Variants in SPTBN1 observed in about 807,000 individuals in gnomAD.
The protein encoded by SPTBN1 is spectrin beta chain, non-erythrocytic 1.
Under a neutral mutation model 266.4 loss-of-function variants are expected in SPTBN1, and 32 were observed. That is an observed-to-expected ratio of 0.12 (90% CI 0.09 to 0.16). SPTBN1 has a LOEUF of 0.16. Among genes scored for constraint, SPTBN1 ranks in the 10% least tolerant of loss-of-function variants. SPTBN1 has a pLI of 1.00. For missense variants in SPTBN1, 2,296 were observed against 3,067.1 expected (o/e 0.75, Z 5.94); for synonymous variants, 1,336 against 1,162.2 (o/e 1.15, Z -3.04).
intron 2 of SPTBN1, among the ~76,000 whole-genome samples, chr2:54,576,655 A>G (rs978353885): frequency 3.3e-5 from 5 of 152,134 alleles, no homozygotes; most frequent in Admixed American, 3.3e-4. Context: ...AGGCAGGATG[A>G]CTTTTTAGAA....
At chr2:54,468,644 A>G (rs1693764255) in intron 1 of SPTBN1, among the ~76,000 whole-genome samples, 1 of 152,238 alleles carries the variant, frequency 6.6e-6, no homozygotes, top group South Asian at 2.1e-4. Context: ...TTAAAGAAAA[A>G]TGGAAAGGAA....
chr2:54,552,690 C>T (rs571143513), intron 2 of SPTBN1, among the ~76,000 whole-genome samples: 54 of 151,986 alleles, frequency 3.6e-4, no homozygotes, highest in African/African-American at 1.3e-3. Flanking sequence ...CTCCTGACCT[C>T]GTGATCCACC....
intron 1 of SPTBN1, among the ~76,000 whole-genome samples, chr2:54,469,236 G>C (rs1177142022): frequency 6.6e-6 from 1 of 152,170 alleles, no homozygotes; most frequent in Non-Finnish European, 1.5e-5. Context: ...TGAAGGAAAA[G>C]AGGGAGTGGG....
chr2:54,668,687 T>A lies in SPTBN1; in HGVS notation c.*118T>A, dbSNP rs866947422. ...TGTTCCTCAATGTGGTTGATTTTTT[T>A]TTTTTTTTAATTTATAGAGCATTTC... is the stretch of plus-strand genomic sequence containing the variant. On this transcript the variant is annotated 3_prime_UTR_variant, in exon 36 of 36. Coordinates refer to ENST00000356805, the MANE Select transcript of SPTBN1 (RefSeq NM_003128.3). The A allele has an allele frequency of 2.1e-5, 20 of 975,238 alleles. No individual in the cohort carries two copies. In the Middle Eastern group the frequency reaches 2.1e-3, roughly 103 times the overall value. The allele number at this position is 975,238 out of a possible 1,614,324, so 60.4% of individuals were successfully genotyped here. A position where few individuals can be genotyped will look rare whatever the true frequency, so the allele number is the denominator to read the frequency against.
chr2:54,500,927 G>A (rs778520189), intron 1 of SPTBN1, among the ~76,000 whole-genome samples: 5 of 152,186 alleles, frequency 3.3e-5, no homozygotes, highest in Non-Finnish European at 2.9e-5. Flanking sequence ...GTGATGTGCA[G>A]CCAAGAACAG....
chr2:54,551,400 G>A (rs1672556335), intron 2 of SPTBN1, among the ~76,000 whole-genome samples: 1 of 152,268 alleles, frequency 6.6e-6, no homozygotes, highest in Admixed American at 6.5e-5. Context: ...CCACCTGTTT[G>A]GCAAAGCCAG....
intron 2 of SPTBN1, among the ~76,000 whole-genome samples, chr2:54,563,685 C>T: frequency 6.9e-6 from 1 of 144,456 alleles, no homozygotes; most frequent in South Asian, 2.2e-4. Flanking sequence ...CTCACTGCAA[C>T]CTCTGCCTTC....
At chr2:54,572,037 A>T (rs10181201) in intron 2 of SPTBN1, among the ~76,000 whole-genome samples, 6 of 151,822 alleles carry the variant, frequency 4.0e-5, no homozygotes, top group African/African-American at 1.5e-4. Context: ...CTTAAAGCTC[A>T]AATTTAGGGA....
rs151016094 is a variant in SPTBN1 at position 54,628,619 on chromosome 2, G to C, written c.1799-314G>C. On this transcript the variant is annotated intron_variant, in intron 13 of 35. Coordinates refer to ENST00000356805, the MANE Select transcript of SPTBN1 (RefSeq NM_003128.3). The surrounding 1 kb of genome is among the most constrained non-coding windows in gnomAD (Gnocchi z 4.3). ...TTTGGAGGATGTTTAGAATGATTTG[G>C]TTATGCTTCGTGTATTTCTAGAAAC... Among the ~76,000 whole-genome samples, 1 of 152,202 alleles carries C rather than the reference G, an allele frequency of 6.6e-6. No homozygotes were observed. Among genetic ancestry groups the C allele is most frequent in the East Asian group, 1.9e-4 (1 of 5,174 alleles).
At chr2:54,624,655 CT>C in intron 10 of SPTBN1, 148 bp from the exon 11 acceptor site, 1 of 1,200,236 alleles carries the variant, frequency 8.3e-7, no homozygotes. Flanking sequence ...TTCCTCAAGG[CT>C]TGAGAGTCAG....
At chr2:54,545,082 C>T (rs1672162418) in intron 2 of SPTBN1, among the ~76,000 whole-genome samples, 1 of 152,186 alleles carries the variant, frequency 6.6e-6, no homozygotes, top group Non-Finnish European at 1.5e-5. Flanking sequence ...CAGCTTCATC[C>T]ATGTTCCTGC....
rs759655083 is a variant in SPTBN1 at position 54,622,418 on chromosome 2, A to T, written c.995A>T (p.Asn332Ile). ...IIILNNRKFANSLVGVQQQLQ... is the reference protein window; with the variant it reads ...IIILNNRKFAISLVGVQQQLQ... ...ATTCTGAACAATCGCAAATTTGCCAATTCACTGGTCGGGGTTCAACAGCAG... is the reference window on the plus strand; with the variant it reads ...ATTCTGAACAATCGCAAATTTGCCATTTCACTGGTCGGGGTTCAACAGCAG... Residue 332 changes from asparagine to isoleucine, a missense_variant, in exon 9 of 36, where the codon AAT becomes ATT. Around this residue, in one of 12 missense-constraint regions of SPTBN1, gnomAD observed 148 missense variants for 203.8 expected, o/e 0.73. Transcript: ENST00000356805. 1.9e-6 allele frequency: 3 copies of T among 1,614,084 alleles called. No individual in the cohort carries two copies. The highest frequency in any genetic ancestry group is 2.2e-5 in the East Asian group (1 of 44,898).
chr2:54,479,724 C>T (rs1668008585), intron 1 of SPTBN1, among the ~76,000 whole-genome samples: 2 of 152,178 alleles, frequency 1.3e-5, no homozygotes, highest in African/African-American at 4.8e-5. Flanking sequence ...TAAAGTTTTG[C>T]AATGTTGTTT....
chr2:54,645,089 A>C lies in SPTBN1; in HGVS notation c.4270-140A>C. ...ACAGTTCCATTGATGTTGAAAAGCA[A>C]GTCAGTGGCAAAATGTTTGAGTGGC... is the stretch of plus-strand genomic sequence containing the variant. On this transcript the variant is annotated intron_variant, in intron 20 of 35. Coordinates refer to ENST00000356805, the MANE Select transcript of SPTBN1 (RefSeq NM_003128.3). This position sits in a 1 kb window ranked among gnomAD's most constrained non-coding sequence, Gnocchi z 4.3. 1 of 774,698 alleles carries C rather than the reference A, an allele frequency of 1.3e-6. No homozygotes were observed. Among genetic ancestry groups the C allele is most frequent in the Non-Finnish European group, 2.1e-6 (1 of 479,540 alleles). 48.0% of individuals were successfully genotyped at this position (774,698 alleles called of 1,614,324 possible). A position where few individuals can be genotyped will look rare whatever the true frequency, so the allele number is the denominator to read the frequency against.
chr2:54,471,253 T>G (rs1218551694), intron 1 of SPTBN1, among the ~76,000 whole-genome samples: 1 of 152,194 alleles, frequency 6.6e-6, no homozygotes, highest in African/African-American at 2.4e-5. Context: ...ATGTAGGCAG[T>G]GGTGGCATGA....
Position 54,648,972 on chromosome 2 carries a change from C to G in SPTBN1, c.4998-14C>G. 1.9e-6 allele frequency: 3 copies of G among 1,577,058 alleles called. No homozygotes were observed. Among genetic ancestry groups the G allele is most frequent in the Non-Finnish European group, 2.6e-6 (3 of 1,155,660 alleles). On this transcript the variant is annotated splice_polypyrimidine_tract_variant and intron_variant, in intron 24 of 35. Transcript: ENST00000356805. ...AAGATCCTTTTTCTCCCCATTGCTC[C>G]TTTTCTTTTTCAGTGAGCGCATTAG...
chr2:54,664,593 C>T lies in SPTBN1; in HGVS notation c.6561C>T (p.Thr2187=), dbSNP rs764318147. ...KTALPAQSAA[T]LPARTQETPS... is the part of the protein sequence containing the mutation. Reference sequence around the variant, plus strand: ...CCCTCCCAGCCCAGAGTGCCGCCACCTTACCAGCCAGAACCCAGGAGACAC... The same window carrying T: ...CCCTCCCAGCCCAGAGTGCCGCCACTTTACCAGCCAGAACCCAGGAGACAC... The change falls in exon 33 of 36, where the codon ACC becomes ACT. Residue 2187 remains threonine (T), a synonymous_variant. Coordinates refer to ENST00000356805, the MANE Select transcript of SPTBN1 (RefSeq NM_003128.3). The surrounding 1 kb of genome is among the most constrained non-coding windows in gnomAD (Gnocchi z 5.6). The T allele has an allele frequency of 1.9e-6, 3 of 1,614,210 alleles. No individual in the cohort carries two copies.
intron 7 of SPTBN1, among the ~76,000 whole-genome samples, chr2:54,620,107 C>G (rs968724490): frequency 6.6e-6 from 1 of 152,206 alleles, no homozygotes; most frequent in Admixed American, 6.5e-5. Flanking sequence ...CTCTCAGTAC[C>G]TATTTATTGA....
chr2:54,655,681 C>G (rs1181992311), intron 28 of SPTBN1, among the ~76,000 whole-genome samples: 1 of 152,258 alleles, frequency 6.6e-6, no homozygotes, highest in Non-Finnish European at 1.5e-5. Flanking sequence ...AGCCTCCTCA[C>G]GACAAAACAG....
Sources: gnomAD v4.1 joint callset for allele counts (sites outside exome capture counted in the v4.1 genomes callset) on GRCh38, gnomAD v4.1.1 for gene constraint, gnomAD v4.1.1 regional missense constraint, Gnocchi (gnomAD v3.1) non-coding constraint, MANE v1.5 for transcripts, NCBI Gene and HGNC (gene_info 2026-07-23, HGNC 2026-07-21) for gene names.